SRPK1: variants seen among roughly 807,000 people sequenced by gnomAD.
SRPK1 encodes the protein SFRS protein kinase 1.
Under a neutral mutation model 89.5 loss-of-function variants are expected in SRPK1, and 52 were observed. The observed-to-expected ratio is 0.58, with a 90% CI of 0.46 to 0.73. SRPK1 has a LOEUF of 0.73. Ranked by LOEUF, SRPK1 falls within the 30% of genes least tolerant of loss-of-function variation. SRPK1 has a pLI of 0.00. For synonymous variants in SRPK1, 255 were observed against 270.2 expected, an observed-to-expected ratio of 0.94 and a Z score of 0.55; for missense variants, 603 against 780.6, an observed-to-expected ratio of 0.77 and a Z score of 2.71.
intron 2 of SRPK1, among the ~76,000 whole-genome samples, chr6:35,901,084 T>C (rs955503060): frequency 3.3e-5 from 5 of 152,202 alleles, no homozygotes; most frequent in African/African-American, 1.2e-4. Flanking sequence ...TACTTACATA[T>C]AAACTTTAGT....
intron 6 of SRPK1, among the ~76,000 whole-genome samples, chr6:35,878,516 T>C (rs1770206107): frequency 6.6e-6 from 1 of 152,172 alleles, no homozygotes; most frequent in South Asian, 2.1e-4. Flanking sequence ...TGGATAATAA[T>C]TATTGTAAAT....
At chr6:35,849,594 A>G (rs917663818) in intron 13 of SRPK1, among the ~76,000 whole-genome samples, 4 of 152,206 alleles carry the variant, frequency 2.6e-5, no homozygotes, top group Non-Finnish European at 4.4e-5. Context: ...ACCTAAGTTG[A>G]TTTTAAAATC....
At chr6:35,858,370 A>G (rs931341557) in intron 12 of SRPK1, among the ~76,000 whole-genome samples, 6 of 152,226 alleles carry the variant, frequency 3.9e-5, no homozygotes, top group African/African-American at 1.4e-4. Flanking sequence ...GCAAAACCAA[A>G]GAATCAGAGT....
chr6:35,902,541 C>T (rs1770766135), intron 2 of SRPK1, among the ~76,000 whole-genome samples: 1 of 152,106 alleles, frequency 6.6e-6, no homozygotes, highest in African/African-American at 2.4e-5. Flanking sequence ...CTTATTTCAC[C>T]TCAGTACTGG....
intron 2 of SRPK1, among the ~76,000 whole-genome samples, chr6:35,916,007 C>T (rs1287665260): frequency 0.014 from 979 of 70,940 alleles, 77 homozygotes; most frequent in African/African-American, 0.044. Flanking sequence ...TACACACACA[C>T]ACACACACAC....
At chr6:35,892,606 C>T (rs929469648) in intron 2 of SRPK1, among the ~76,000 whole-genome samples, 2 of 151,692 alleles carry the variant, frequency 1.3e-5, no homozygotes, top group African/African-American at 2.4e-5. Context: ...GAGCCGAAAT[C>T]GCGTCGTTGC....
chr6:35,854,717 A>AGAG (rs146347797), intron 13 of SRPK1, among the ~76,000 whole-genome samples: 1 of 126,734 alleles, frequency 7.9e-6, no homozygotes, highest in Non-Finnish European at 1.6e-5. Context: ...ATGTGGAATA[A>AGAG]AAAAAAAATG....
At chr6:35,855,876 A>T (rs1425488819) in intron 13 of SRPK1, among the ~76,000 whole-genome samples, 1 of 152,186 alleles carries the variant, frequency 6.6e-6, no homozygotes, top group Non-Finnish European at 1.5e-5. Context: ...CTGGGATTAT[A>T]GGCATGCACC....
chr6:35,837,401 C>T (rs992468987), intron 15 of SRPK1, among the ~76,000 whole-genome samples: 8 of 152,182 alleles, frequency 5.3e-5, no homozygotes, highest in Non-Finnish European at 8.8e-5. Context: ...AAGTAATCAA[C>T]CAACTGCATG....
At chr6:35,920,368 C>CA (rs1562002694) in intron 2 of SRPK1, 100 bp downstream of exon 2, 1 of 1,368,068 alleles carries the variant, frequency 7.3e-7, no homozygotes, top group Non-Finnish European at 1.0e-6. Context: ...GCTGCAGCCA[C>CA]AGGGTGCCCA....
intron 14 of SRPK1, among the ~76,000 whole-genome samples, chr6:35,842,306 A>G (rs998869096): frequency 6.6e-6 from 1 of 152,222 alleles, no homozygotes; most frequent in Non-Finnish European, 1.5e-5. Context: ...TCCAGCACAC[A>G]GAAGTTTTAG....
At chr6:35,900,087 C>T (rs1225340349) in intron 2 of SRPK1, among the ~76,000 whole-genome samples, 1 of 151,862 alleles carries the variant, frequency 6.6e-6, no homozygotes, top group Non-Finnish European at 1.5e-5. Context: ...AACCAGAAAG[C>T]AGAGATGTTG....
chr6:35,865,697 GACA>G (rs1243937643), intron 12 of SRPK1, among the ~76,000 whole-genome samples: 1 of 152,092 alleles, frequency 6.6e-6, no homozygotes, highest in Non-Finnish European at 1.5e-5. Context: ...CTGGGAAAAA[GACA>G]TCCTTTTCAA....
rs942459595 is a variant in SRPK1, at chr6:35,905,097, T to G, written c.75-14084A>C. On this transcript the variant is annotated intron_variant, in intron 2 of 15. Transcript: ENST00000373825. ...AGGAGTTTGAGATTGCAGTGACCTA[T>G]GATCACACCACTGTACTCCAGCCTA... 1.7e-5 allele frequency: 5 copies of G among 288,382 alleles called. No homozygotes were observed. In the East Asian group the frequency reaches 6.1e-4, roughly 35 times the overall value. The allele number at this position is 288,382 out of a possible 1,614,324, so 17.9% of individuals were successfully genotyped here. A position where few individuals can be genotyped will look rare whatever the true frequency, so the allele number is the denominator to read the frequency against.
At chr6:35,870,152 C>G in intron 10 of SRPK1, 129 bp downstream of exon 10, 1 of 899,752 alleles carries the variant, frequency 1.1e-6, no homozygotes, top group Non-Finnish European at 1.6e-6. Flanking sequence ...ACATTTATGA[C>G]AAGATCCATA....
chr6:35,841,446 C>A (rs112882978), intron 14 of SRPK1, among the ~76,000 whole-genome samples: 1 of 152,192 alleles, frequency 6.6e-6, no homozygotes, highest in Non-Finnish European at 1.5e-5. Flanking sequence ...AAGTAAAGAA[C>A]ATGCTCTACA....
intron 2 of SRPK1, among the ~76,000 whole-genome samples, chr6:35,902,767 A>G (rs1428091590): frequency 6.6e-6 from 1 of 152,234 alleles, no homozygotes; most frequent in Non-Finnish European, 1.5e-5. Context: ...AAATATTAGC[A>G]TGAATTACCT....
intron 12 of SRPK1, among the ~76,000 whole-genome samples, chr6:35,865,640 T>C (rs923055915): frequency 6.6e-6 from 1 of 152,064 alleles, no homozygotes; most frequent in South Asian, 2.1e-4. Flanking sequence ...AATAAAGCCA[T>C]ATACTTAACA....
chr6:35,888,834 A>T lies in SRPK1; in HGVS notation c.283T>A (p.Trp95Arg). The T allele has an allele frequency of 1.2e-6, 2 of 1,609,606 alleles. No individual in the cohort carries two copies. The highest frequency in any genetic ancestry group is 8.5e-7 in the Non-Finnish European group (1 of 1,176,090). The change falls in exon 4 of 16, where the codon TGG (tryptophan) becomes AGG (arginine). Residue 95 changes from tryptophan (W) to arginine (R), a missense_variant. Coordinates refer to ENST00000373825, the MANE Select transcript of SRPK1 (RefSeq NM_003137.5). ...KLGWGHFSTV[W>R]LSWDIQGKKF... ...ACTTACTGAATATCCCATGATAACC[A>T]TACTGTTGAAAAGTGTCCCCAGCCT...
Sources: allele counts gnomAD v4.1 joint callset (sites outside exome capture counted in the v4.1 genomes callset), GRCh38; gene constraint gnomAD v4.1.1; transcripts MANE v1.5; gene names NCBI Gene and HGNC (gene_info 2026-07-23, HGNC 2026-07-21).